Variants in PTPN22 observed in about 807,000 individuals in gnomAD.
PTPN22 encodes protein tyrosine phosphatase non-receptor type 22.
PTPN22 carries 85 observed loss-of-function variants against 103.3 expected under a neutral mutation model. The ratio of observed to expected loss-of-function variants is 0.82; its 90% confidence interval spans 0.69 to 0.99. PTPN22 has a LOEUF of 0.99. PTPN22 is among the 50% of genes least tolerant of loss of function. The pLI, the probability that PTPN22 is intolerant of heterozygous loss-of-function variation, is 0.00. For missense variants in PTPN22, 865 were observed against 936.9 expected (o/e 0.92, Z 1.00); for synonymous variants, 323 against 310.2 (o/e 1.04, Z -0.43).
At chr1:113,831,288 AC>A (rs1662520387) in intron 16 of PTPN22, among the ~76,000 whole-genome samples, 1 of 152,128 alleles carries the variant, frequency 6.6e-6, no homozygotes, top group African/African-American at 2.4e-5. Context: ...GCCATTAGTG[AC>A]ATTTAGCACA....
rs1665110943 is a variant in PTPN22 at position 113,856,701 on chromosome 1, T to C, written c.409-82A>G. 11 of 1,587,294 alleles carry C rather than the reference T, an allele frequency of 6.9e-6. No homozygotes were observed. In the South Asian group the frequency reaches 1.2e-4, roughly 18 times the overall value. On this transcript the variant is annotated intron_variant, in intron 5 of 20. Transcript: ENST00000359785. ...TCTCTCATTTGGAAGCAAATTCAGC[T>C]CTATGTCCTTCACCTTAGGTTAGGT... is the stretch of plus-strand genomic sequence containing the variant.
At chr1:113,847,540 T>G (rs956323886) in intron 11 of PTPN22, among the ~76,000 whole-genome samples, 2 of 151,582 alleles carry the variant, frequency 1.3e-5, no homozygotes, top group South Asian at 4.1e-4. Context: ...TTCACATTGT[T>G]ATGAGACTCT....
intron 20 of PTPN22, among the ~76,000 whole-genome samples, chr1:113,819,045 T>C (rs1661378692): frequency 6.6e-6 from 1 of 152,176 alleles, no homozygotes; most frequent in Non-Finnish European, 1.5e-5. Context: ...TGATACTACT[T>C]TAAATAGTAC....
At chr1:113,853,287 G>C (rs138776083) in intron 9 of PTPN22, among the ~76,000 whole-genome samples, 3,437 of 151,632 alleles carry the variant, frequency 0.023, 135 homozygotes, top group African/African-American at 0.078. Context: ...GGCAACAGTA[G>C]AACAGTGATA....
intron 11 of PTPN22, among the ~76,000 whole-genome samples, chr1:113,843,182 G>A (rs1558036991): frequency 6.6e-6 from 1 of 151,178 alleles, no homozygotes; most frequent in Non-Finnish European, 1.5e-5. Context: ...ATTAAAAGCA[G>A]GGATACAAAT....
chr1:113,852,604 A>G (rs113660453), intron 9 of PTPN22, among the ~76,000 whole-genome samples: 112 of 152,338 alleles, frequency 7.4e-4, no homozygotes, highest in African/African-American at 2.5e-3. Context: ...TTCATCATGC[A>G]TCACAATCAC....
chr1:113,827,304 C>A (rs1009285859), intron 18 of PTPN22, among the ~76,000 whole-genome samples: 1 of 152,152 alleles, frequency 6.6e-6, no homozygotes, highest in Admixed American at 6.5e-5. Flanking sequence ...AAAATGCTCC[C>A]ATCCTTGTCT....
At chr1:113,864,665 C>T (rs1161713484) in intron 1 of PTPN22, among the ~76,000 whole-genome samples, 2 of 150,266 alleles carry the variant, frequency 1.3e-5, no homozygotes, top group Non-Finnish European at 3.0e-5. Flanking sequence ...CCTATAATCA[C>T]TTTGGGAGGC....
chr1:113,854,751 CA>C (rs1664900188), intron 8 of PTPN22, among the ~76,000 whole-genome samples, 155 bp downstream of exon 8: 1 of 152,214 alleles, frequency 6.6e-6, no homozygotes, highest in African/African-American at 2.4e-5. Flanking sequence ...GTACTACTCA[CA>C]AGTAACTTAT....
chr1:113,870,062 C>T (rs1309654341), intron 1 of PTPN22, among the ~76,000 whole-genome samples: 1 of 152,126 alleles, frequency 6.6e-6, no homozygotes, highest in Non-Finnish European at 1.5e-5. Context: ...CTCCAGGAGG[C>T]AAAGGTTTTG....
At chr1:113,841,175 G>T (rs530998265) in intron 11 of PTPN22, among the ~76,000 whole-genome samples, 5 of 151,516 alleles carry the variant, frequency 3.3e-5, no homozygotes, top group South Asian at 4.2e-4. Context: ...AGTGAGCCAA[G>T]ATCACGCCAT....
intron 11 of PTPN22, among the ~76,000 whole-genome samples, chr1:113,846,330 G>C (rs1664044247): frequency 6.6e-6 from 1 of 151,890 alleles, no homozygotes; most frequent in African/African-American, 2.4e-5. Context: ...TCTAGATATA[G>C]ATACAGATAT....
intron 1 of PTPN22, among the ~76,000 whole-genome samples, chr1:113,862,737 C>T (rs966142272): frequency 2.0e-5 from 3 of 152,120 alleles, no homozygotes; most frequent in Admixed American, 6.5e-5. Context: ...TTGGCTGTCT[C>T]GAGAACTCTG....
At chr1:113,864,851 G>T (rs184042658) in intron 1 of PTPN22, among the ~76,000 whole-genome samples, 1 of 151,984 alleles carries the variant, frequency 6.6e-6, no homozygotes, top group Non-Finnish European at 1.5e-5. Flanking sequence ...GGCAGAGGTT[G>T]CAGTGAGCAG....
intron 1 of PTPN22, 27 bp downstream of exon 1, chr1:113,871,507 TACC>T: frequency 2.5e-6 from 4 of 1,584,604 alleles, no homozygotes; most frequent in Non-Finnish European, 3.5e-6. Context: ...TGTATGTAAC[TACC>T]CTGAGAGGGT....
intron 16 of PTPN22, among the ~76,000 whole-genome samples, chr1:113,831,834 C>G (rs934447944): frequency 6.6e-6 from 1 of 152,156 alleles, no homozygotes; most frequent in Non-Finnish European, 1.5e-5. Flanking sequence ...ATTTTATCTA[C>G]TCTATTTGAA....
At chr1:113,861,711 C>G (rs1665620875) in intron 1 of PTPN22, among the ~76,000 whole-genome samples, 2 of 152,032 alleles carry the variant, frequency 1.3e-5, no homozygotes, top group Non-Finnish European at 2.9e-5. Flanking sequence ...TCTCTTCCTG[C>G]CAGACTCCCG....
intron 1 of PTPN22, among the ~76,000 whole-genome samples, chr1:113,869,342 G>T (rs1249455707): frequency 6.6e-6 from 1 of 152,150 alleles, no homozygotes; most frequent in East Asian, 1.9e-4. Context: ...ATATTTTGGT[G>T]AGAAATTATA....
chr1:113,845,617 G>A (rs908980359), intron 11 of PTPN22, among the ~76,000 whole-genome samples: 12 of 152,068 alleles, frequency 7.9e-5, no homozygotes, highest in Admixed American at 5.2e-4. Flanking sequence ...TTCTTATTAG[G>A]TAGAGTGTTC....
Sources: gnomAD v4.1 joint callset for allele counts (sites outside exome capture counted in the v4.1 genomes callset) on GRCh38, gnomAD v4.1.1 for gene constraint, MANE v1.5 for transcripts, NCBI Gene and HGNC (gene_info 2026-07-23, HGNC 2026-07-21) for gene names.